CRPPA: variants seen among roughly 807,000 people sequenced by gnomAD.
CRPPA encodes the protein D-ribitol-5-phosphate cytidylyltransferase.
In CRPPA, 43 loss-of-function variants were observed where a neutral mutation model predicts 52.0. That is an observed-to-expected ratio of 0.83 (90% confidence interval 0.65 to 1.07). CRPPA has a LOEUF of 1.07. CRPPA is among the 50% of genes least tolerant of loss of function. The probability of loss-of-function intolerance (pLI) is 0.00; values close to 1 mark genes in which losing one functional copy is unlikely to be tolerated. For missense variants in CRPPA, 629 were observed against 551.7 expected (o/e 1.14, Z -1.40); for synonymous variants, 250 against 203.5 (o/e 1.23, Z -1.94).
Position 16,221,744 on chromosome 7 carries a change from A to G in CRPPA, c.1120-5547T>C, listed in dbSNP as rs533184661. Among the ~76,000 whole-genome samples, 446 of 152,116 alleles carry G rather than the reference A, an allele frequency of 2.9e-3. 3 individuals carry two copies. Among genetic ancestry groups the G allele is most frequent in the African/African-American group, 0.01 (427 of 41,492 alleles). On this transcript the variant is annotated intron_variant, in intron 8 of 9. Coordinates refer to ENST00000407010, the MANE Select transcript of CRPPA (RefSeq NM_001101426.4). ...AGAAATGCAAATCAAAACCACAATG[A>G]GATACCATCTCACACCAGTTAGAAT...
chr7:16,209,176 C>A, intron 9 of CRPPA: 2 of 330,462 alleles, frequency 6.1e-6, no homozygotes, highest in South Asian at 2.6e-5. Context: ...CCAGACCAAC[C>A]GCAGATCTAA....
chr7:16,362,256 C>T (rs914527341), intron 3 of CRPPA, among the ~76,000 whole-genome samples: 2 of 152,208 alleles, frequency 1.3e-5, no homozygotes, highest in Admixed American at 6.5e-5. Context: ...ATTCTCACAG[C>T]GTGGAGGCTG....
intron 9 of CRPPA, among the ~76,000 whole-genome samples, chr7:16,214,476 C>T (rs916073349): frequency 6.6e-6 from 1 of 152,106 alleles, no homozygotes; most frequent in Non-Finnish European, 1.5e-5. Flanking sequence ...ATTTTTCCCA[C>T]TGTAATAATC....
chr7:16,241,786 C>T (rs1338782522), intron 8 of CRPPA, among the ~76,000 whole-genome samples: 1 of 151,784 alleles, frequency 6.6e-6, no homozygotes, highest in African/African-American at 2.4e-5. Flanking sequence ...TACATAATAC[C>T]GCTAAAAAAC....
chr7:16,202,000 TAG>T (rs1202473387), intron 9 of CRPPA, among the ~76,000 whole-genome samples: 1 of 152,202 alleles, frequency 6.6e-6, no homozygotes, highest in Non-Finnish European at 1.5e-5. Flanking sequence ...ATGTTAGATT[TAG>T]ATTTTTGGTG....
chr7:16,154,480 A>G (rs1165870900), intron 9 of CRPPA, among the ~76,000 whole-genome samples: 2 of 152,106 alleles, frequency 1.3e-5, no homozygotes, highest in Non-Finnish European at 2.9e-5. Context: ...ATTATATGTT[A>G]AATGTGAGGA....
chr7:16,271,260 C>A (rs1784083603), intron 6 of CRPPA, among the ~76,000 whole-genome samples: 1 of 152,010 alleles, frequency 6.6e-6, no homozygotes, highest in Admixed American at 6.6e-5. Flanking sequence ...TTGGGTTGAA[C>A]ACGCTTATAT....
intron 9 of CRPPA, among the ~76,000 whole-genome samples, chr7:16,129,694 C>A (rs550961885): frequency 1.9e-4 from 29 of 152,206 alleles, no homozygotes; most frequent in Middle Eastern, 3.4e-3. Context: ...AAGATTTGTA[C>A]AGATTTTGAA....
intron 2 of CRPPA, among the ~76,000 whole-genome samples, chr7:16,396,352 C>T (rs1366727725): frequency 6.6e-6 from 1 of 152,066 alleles, no homozygotes; most frequent in Admixed American, 6.5e-5. Context: ...AAATGCAAAT[C>T]AAAACCACAA....
intron 9 of CRPPA, among the ~76,000 whole-genome samples, chr7:16,158,276 C>A (rs1015847494): frequency 1.3e-5 from 2 of 152,110 alleles, no homozygotes; most frequent in East Asian, 3.9e-4. Context: ...TTTGTACCAC[C>A]CTTTTATTTC....
intron 9 of CRPPA, among the ~76,000 whole-genome samples, chr7:16,192,156 T>A (rs1320793847): frequency 6.6e-6 from 1 of 152,058 alleles, no homozygotes; most frequent in East Asian, 1.9e-4. Flanking sequence ...AATTTATACT[T>A]GTAACTTTTC....
intron 8 of CRPPA, among the ~76,000 whole-genome samples, chr7:16,237,092 T>G (rs1167468382): frequency 1.3e-5 from 2 of 152,192 alleles, no homozygotes; most frequent in African/African-American, 4.8e-5. Flanking sequence ...CTTCCGTATC[T>G]TACTATCATT....
intron 9 of CRPPA, among the ~76,000 whole-genome samples, chr7:16,177,563 T>A (rs1283225093): frequency 6.6e-6 from 1 of 152,118 alleles, no homozygotes; most frequent in Non-Finnish European, 1.5e-5. Flanking sequence ...CATACGTATA[T>A]GTTTCTACCA....
intron 3 of CRPPA, among the ~76,000 whole-genome samples, chr7:16,322,061 T>G (rs1323726364): frequency 6.6e-6 from 1 of 152,118 alleles, no homozygotes; most frequent in Non-Finnish European, 1.5e-5. Flanking sequence ...ACTTTTAGCC[T>G]CCAAAATGCG....
At chr7:16,286,025 A>AG (rs1583492384) in intron 5 of CRPPA, among the ~76,000 whole-genome samples, 1 of 26,052 alleles carries the variant, frequency 3.8e-5, no homozygotes, top group East Asian at 6.9e-4. Context: ...CATCTCAAAA[A>AG]AAAAAAAAAA....
At chr7:16,204,870 A>C (rs1358937551) in intron 9 of CRPPA, among the ~76,000 whole-genome samples, 1 of 152,204 alleles carries the variant, frequency 6.6e-6, no homozygotes, top group African/African-American at 2.4e-5. Context: ...GATTTTTTAA[A>C]AATCATAACT....
intron 9 of CRPPA, among the ~76,000 whole-genome samples, chr7:16,190,766 T>C (rs1191431423): frequency 6.6e-6 from 1 of 152,078 alleles, no homozygotes; most frequent in Admixed American, 6.6e-5. Flanking sequence ...CCCTCATCTC[T>C]CTCCCACCCT....
At chr7:16,188,248 G>T (rs1781544156) in intron 9 of CRPPA, among the ~76,000 whole-genome samples, 1 of 151,584 alleles carries the variant, frequency 6.6e-6, no homozygotes, top group African/African-American at 2.4e-5. Context: ...CCTCCCAAAG[G>T]GTGAATTCTT....
intron 5 of CRPPA, among the ~76,000 whole-genome samples, chr7:16,293,880 C>T (rs1032290782): frequency 1.1e-4 from 16 of 151,862 alleles, no homozygotes; most frequent in South Asian, 2.1e-4. Flanking sequence ...ATCTTGTCTC[C>T]GGCACATGTT....
Sources: allele counts gnomAD v4.1 joint callset (sites outside exome capture counted in the v4.1 genomes callset), GRCh38; gene constraint gnomAD v4.1.1; transcripts MANE v1.5; gene names NCBI Gene and HGNC (gene_info 2026-07-23, HGNC 2026-07-21).